The following PRDM11 variants were observed in gnomAD, a reference collection of about 807,000 sequenced individuals.
The protein encoded by PRDM11 is PR domain-containing protein 11.
PRDM11 carries 20 observed loss-of-function variants against 97.8 expected under a neutral mutation model. The ratio of observed to expected loss-of-function variants is 0.20; its 90% CI spans 0.14 to 0.30. The LOEUF (loss-of-function observed/expected upper bound fraction) is 0.30. Among genes scored for constraint, PRDM11 ranks in the 10% least tolerant of loss-of-function variants. The probability of loss-of-function intolerance (pLI) is 1.00; values close to 1 mark genes in which losing one functional copy is unlikely to be tolerated. For missense variants in PRDM11, 1,139 were observed against 1,555.2 expected, an observed-to-expected ratio of 0.73 and a Z score of 4.50; for synonymous variants, 599 against 637.7, an observed-to-expected ratio of 0.94 and a Z score of 0.91.
intron 1 of PRDM11, among the ~76,000 whole-genome samples, chr11:45,133,227 C>T (rs138436145): frequency 6.6e-6 from 1 of 152,350 alleles, no homozygotes; most frequent in Non-Finnish European, 1.5e-5. Context: ...CTCCTCAACT[C>T]ATTCCAATCT....
Position 45,224,246 on chromosome 11 carries a change from G to A in PRDM11, c.772G>A (p.Glu258Lys). 1 of 1,606,444 alleles carries A rather than the reference G, an allele frequency of 6.2e-7. No homozygotes were observed. Among genetic ancestry groups the A allele is most frequent in the Non-Finnish European group, 8.5e-7 (1 of 1,177,086 alleles). The change falls in exon 7 of 8, where the codon GAG becomes AAG. Residue 258 changes from glutamate (E) to lysine (K), a missense_variant. By Grantham distance (56) the Glu-to-Lys change is moderately conservative. This residue lies in a region of PRDM11 where 429 missense variants were observed against 510.3 expected (regional missense o/e 0.84). Transcript: ENST00000683152. ...GAAGAGGTTGCAGAGGGAGAAGTCT[G>A]AGCAGGTTCTGGATAACCCAGAAGA... The part of the protein sequence containing the change: ...GEKRLQREKS[E>K]QVLDNPEDLR...
chr11:45,204,813 G>C, intron 5 of PRDM11, 35 bp downstream of exon 5: 1 of 1,576,576 alleles, frequency 6.3e-7, no homozygotes, highest in Non-Finnish European at 8.7e-7. Flanking sequence ...CGGGGGTCTT[G>C]CCTGGCCTCT....
rs765036615 is a variant in PRDM11, at chr11:45,101,569, AGAAGAAG to A, written c.96+5669_96+5675del. Among the ~76,000 whole-genome samples the A allele has an allele frequency of 3.8e-3, 453 of 118,732 alleles. 16 individuals are homozygous for A. Among genetic ancestry groups the A allele is most frequent in the African/African-American group, 0.014 (384 of 27,018 alleles). The allele number at this position is 118,732 out of a possible 152,430, so 77.9% of individuals were successfully genotyped here. ...ACACTCTGTCTCAAAAAAAAAAAAA[AGAAGAAG>A]AAGAAGAAGAAGAAGAAGAAGAAGG... On this transcript the variant is annotated intron_variant, in intron 1 of 6. Coordinates refer to the PRDM11 transcript ENST00000530656.
chr11:45,153,319 C>T (rs539801061), intron 1 of PRDM11, among the ~76,000 whole-genome samples: 19 of 152,368 alleles, frequency 1.2e-4, no homozygotes, highest in African/African-American at 4.3e-4. Context: ...AGGGCGTGGG[C>T]CCCAGGTTCA....
intron 5 of PRDM11, chr11:45,213,034 C>T (rs1853821055): frequency 2.4e-6 from 1 of 422,976 alleles, no homozygotes. Flanking sequence ...AGAGAAAGCA[C>T]AATTTCTAAC....
In PRDM11 at chr11:45,226,667, C is replaced by T. The variant is rs528218027; in HGVS notation, c.2042C>T (p.Thr681Ile). 6.5e-7 allele frequency: 1 copy of T among 1,533,986 alleles called. No individual in the cohort carries two copies. Among genetic ancestry groups the T allele is most frequent in the African/African-American group, 1.4e-5 (1 of 73,106 alleles). ...ACGGTGGCTGTCTATGTTCAGTACA[C>T]CAGCAGTGATGGGCCCCCGGCCACA... Reference protein sequence around the residue: ...ADTVAVYVQYTSSDGPPATEF... With the variant: ...ADTVAVYVQYISSDGPPATEF... The change falls in exon 8 of 8, where the codon ACC becomes ATC. Residue 681 changes from threonine (T) to isoleucine (I), a missense_variant. By Grantham distance (89) the Thr-to-Ile change is moderately conservative (BLOSUM62 -1). Around this residue, in one of 2 missense-constraint regions of PRDM11, gnomAD observed 710 missense variants for 1,044.9 expected, o/e 0.68. Transcript: ENST00000683152.
chr11:45,218,796 A>G (rs1854028854), intron 5 of PRDM11, among the ~76,000 whole-genome samples: 1 of 152,200 alleles, frequency 6.6e-6, no homozygotes, highest in South Asian at 2.1e-4. Flanking sequence ...CAGAACTTTA[A>G]AGGTTTTCTG....
At chr11:45,207,651 G>C (rs1317155065) in intron 5 of PRDM11, among the ~76,000 whole-genome samples, 1 of 152,174 alleles carries the variant, frequency 6.6e-6, no homozygotes, top group African/African-American at 2.4e-5. Context: ...GTTTTATGGA[G>C]AAGGAGACTG....
intron 4 of PRDM11, among the ~76,000 whole-genome samples, chr11:45,191,701 A>G (rs1852919029): frequency 6.6e-6 from 1 of 152,050 alleles, no homozygotes; most frequent in Non-Finnish European, 1.5e-5. Flanking sequence ...CTCTCGTAGG[A>G]GCTGTGATTC....
At chr11:45,187,212 A>T (rs1426947276) in intron 4 of PRDM11, among the ~76,000 whole-genome samples, 2 of 152,320 alleles carry the variant, frequency 1.3e-5, no homozygotes, top group South Asian at 2.1e-4. Context: ...AGAGGGCTGT[A>T]GCAGTAGGGA....
chr11:45,135,396 CA>C (rs2135656078), intron 1 of PRDM11, among the ~76,000 whole-genome samples: 1 of 152,108 alleles, frequency 6.6e-6, no homozygotes, highest in African/African-American at 2.4e-5. Context: ...TCTTGTCTAC[CA>C]AAAAAGTCCC....
chr11:45,199,033 C>T (rs1291398645), intron 4 of PRDM11, among the ~76,000 whole-genome samples: 1 of 151,956 alleles, frequency 6.6e-6, no homozygotes, highest in African/African-American at 2.4e-5. Flanking sequence ...GAAGGTACTC[C>T]ATAAGTGGTA....
rs11038337 is a variant in PRDM11 at position 45,163,488 on chromosome 11, T to TCG, written c.-7+16611_-7+16612insCG. On this transcript the variant is annotated intron_variant, in intron 1 of 7. Coordinates refer to ENST00000683152, the MANE Select transcript of PRDM11 (RefSeq NM_001384648.1). ...AAAGGTGGGAGCAGGTGCTTGAGGATGGGGGGGGGTACCCGGTGGTCCCAG... is the reference window on the plus strand; with the variant it reads ...AAAGGTGGGAGCAGGTGCTTGAGGATCGGGGGGGGGGTACCCGGTGGTCCCAG... Among the ~76,000 whole-genome samples, 213 of 149,690 alleles carry TCG rather than the reference T, an allele frequency of 1.4e-3. 1 individual carries two copies. Among genetic ancestry groups the TCG allele is most frequent in the Middle Eastern group, 6.8e-3 (2 of 292 alleles).
In PRDM11 at chr11:45,219,499, C is replaced by G; in HGVS notation, c.555-71C>G. ...TCTAACCATCCACACTTGCCCAGCA[C>G]TGTGCCGGCACCAGCGGGCACTCAA... is the stretch of plus-strand genomic sequence containing the variant. On this transcript the variant is annotated intron_variant, in intron 5 of 7. Coordinates refer to ENST00000683152, the MANE Select transcript of PRDM11 (RefSeq NM_001384648.1). The surrounding 1 kb of genome is among the most constrained non-coding windows in gnomAD (Gnocchi z 4.2). 2 of 1,426,624 alleles carry G rather than the reference C, an allele frequency of 1.4e-6. No individual in the cohort carries two copies. Among genetic ancestry groups the G allele is most frequent in the Non-Finnish European group, 1.9e-6 (2 of 1,039,878 alleles). 88.4% of individuals were successfully genotyped at this position (1,426,624 alleles called of 1,614,324 possible).
intron 4 of PRDM11, among the ~76,000 whole-genome samples, chr11:45,188,452 T>C (rs1307549928): frequency 3.9e-5 from 6 of 152,198 alleles, no homozygotes; most frequent in Non-Finnish European, 7.4e-5. Context: ...TAGCCTCCCT[T>C]ACTTAGCACG....
chr11:45,112,556 C>T (rs1197861264), intron 1 of PRDM11, among the ~76,000 whole-genome samples: 1 of 152,222 alleles, frequency 6.6e-6, no homozygotes. Context: ...TTCTCACCAG[C>T]AACATAAACG....
In PRDM11 at chr11:45,155,568, C is replaced by T. The variant is rs571408239; in HGVS notation, c.-7+8691C>T. 1.8e-4 allele frequency among the ~76,000 whole-genome samples: 27 copies of T among 151,970 alleles called. No individual in the cohort carries two copies. The East Asian group carries it at 4.7e-3, about 26-fold the overall frequency. ...CCAGGGGTGCCCCTCTTTAGGCCGG[C>T]TGTGTTCCAAGAGAAAGAAAGACCA... On this transcript the variant is annotated intron_variant, in intron 1 of 7. Coordinates refer to ENST00000683152, the MANE Select transcript of PRDM11 (RefSeq NM_001384648.1).
upstream of PRDM11, among the ~76,000 whole-genome samples, chr11:45,142,021 C>T (rs985432834): frequency 4.6e-5 from 7 of 152,334 alleles, no homozygotes; most frequent in South Asian, 2.1e-4. Flanking sequence ...AAAAAAGACA[C>T]ACGTTTGCTT....
At chr11:45,179,040 T>C (rs1469008365) in intron 1 of PRDM11, among the ~76,000 whole-genome samples, 1 of 152,164 alleles carries the variant, frequency 6.6e-6, no homozygotes, top group African/African-American at 2.4e-5. Flanking sequence ...GTCTGAAGTC[T>C]GGATAGGAGT....
Sources: gnomAD v4.1 joint callset for allele counts (sites outside exome capture counted in the v4.1 genomes callset) on GRCh38, gnomAD v4.1.1 for gene constraint, gnomAD v4.1.1 regional missense constraint, Gnocchi (gnomAD v3.1) non-coding constraint, MANE v1.5 for transcripts, NCBI Gene and HGNC (gene_info 2026-07-23, HGNC 2026-07-21) for gene names.